Variants in MYO16 observed in about 807,000 individuals in gnomAD.
The protein encoded by MYO16 is unconventional myosin-XVI.
In MYO16, 94 loss-of-function variants were observed where a neutral mutation model predicts 205.3. The ratio of observed to expected loss-of-function variants is 0.46; its 90% CI spans 0.39 to 0.54. MYO16 has a LOEUF of 0.54. Ranked by LOEUF, MYO16 falls within the 20% of genes least tolerant of loss-of-function variation. MYO16 has a pLI of 0.00. For synonymous variants in MYO16, 988 were observed against 954.0 expected (o/e 1.04, Z -0.66); for missense variants, 2,315 against 2,387.5 (o/e 0.97, Z 0.63).
intron 1 of MYO16, among the ~76,000 whole-genome samples, chr13:108,610,260 T>G (rs1879122680): frequency 6.6e-6 from 1 of 152,116 alleles, no homozygotes; most frequent in Admixed American, 6.6e-5. Flanking sequence ...AGCACACACA[T>G]AGTCAGAATG....
chr13:109,022,971 C>G lies in MYO16; in HGVS notation c.2796+3060C>G, dbSNP rs549880037. Among the ~76,000 whole-genome samples, 5 of 131,290 alleles carry G rather than the reference C, an allele frequency of 3.8e-5. No homozygotes were observed. The South Asian group carries it at 1.2e-3, about 31-fold the overall frequency. The allele number at this position is 131,290 out of a possible 152,430, so 86.1% of individuals were successfully genotyped here. A position where few individuals can be genotyped will look rare whatever the true frequency, so the allele number is the denominator to read the frequency against. ...TATACATTTATATATTATATATACA[C>G]GTAAATATAGGTATATATTTATATA... On this transcript the variant is annotated intron_variant, in intron 23 of 34. Coordinates refer to ENST00000457511, the MANE Select transcript of MYO16 (RefSeq NM_001198950.3).
chr13:108,853,692 C>T (rs1341262859), intron 10 of MYO16, among the ~76,000 whole-genome samples: 2 of 151,214 alleles, frequency 1.3e-5, no homozygotes, highest in Non-Finnish European at 2.9e-5. Context: ...AAACCCAAAC[C>T]CCTAGGTTTA....
chr13:109,005,181 G>C (rs1481501220), intron 21 of MYO16, among the ~76,000 whole-genome samples: 1 of 152,146 alleles, frequency 6.6e-6, no homozygotes, highest in Admixed American at 6.6e-5. Context: ...ATCCTCTCAA[G>C]TTCTTTAGGT....
intron 4 of MYO16, among the ~76,000 whole-genome samples, chr13:108,737,122 C>A (rs8002403): frequency 0.73 from 111,327 of 151,874 alleles, 41,383 homozygotes; most frequent in Non-Finnish European, 0.8. Flanking sequence ...AATTGAATAC[C>A]CTTTATTTCT....
chr13:108,752,696 C>T (rs1885276109), intron 4 of MYO16, among the ~76,000 whole-genome samples: 1 of 146,510 alleles, frequency 6.8e-6, no homozygotes, highest in South Asian at 2.1e-4. Flanking sequence ...GGCTGGAGTG[C>T]AGTGGTATGA....
chr13:108,647,634 C>T (rs186958936), intron 1 of MYO16, among the ~76,000 whole-genome samples: 231 of 152,092 alleles, frequency 1.5e-3, no homozygotes, highest in African/African-American at 5.3e-3. Context: ...AAATTTTTAG[C>T]TGTGATTAAA....
intron 27 of MYO16, among the ~76,000 whole-genome samples, chr13:109,099,052 C>T (rs1888869178): frequency 6.6e-6 from 1 of 152,142 alleles, no homozygotes; most frequent in South Asian, 2.1e-4. Context: ...TCGATGACTG[C>T]TCTCAGTTGG....
chr13:109,115,893 A>G (rs1875652793), intron 28 of MYO16, among the ~76,000 whole-genome samples: 1 of 152,214 alleles, frequency 6.6e-6, no homozygotes, highest in African/African-American at 2.4e-5. Context: ...GAAGAACTGC[A>G]AAATATTACT....
At chr13:108,784,170 CT>C (rs1042744974) in intron 4 of MYO16, among the ~76,000 whole-genome samples, 2 of 152,094 alleles carry the variant, frequency 1.3e-5, no homozygotes, top group African/African-American at 4.8e-5. Flanking sequence ...ATTCTTGCAG[CT>C]TGGAGACTAA....
chr13:108,750,654 A>G (rs1365577650), intron 4 of MYO16, among the ~76,000 whole-genome samples: 1 of 151,874 alleles, frequency 6.6e-6, no homozygotes, highest in Non-Finnish European at 1.5e-5. Flanking sequence ...AGAAAAAAAG[A>G]AAATTAGCCA....
chr13:108,629,624 C>T lies in MYO16; in HGVS notation c.-221C>T, dbSNP rs190079501. 5.9e-6 allele frequency: 3 copies of T among 507,712 alleles called. No homozygotes were observed. The East Asian group carries it at 8.9e-5, about 15-fold the overall frequency. 31.5% of individuals were successfully genotyped at this position (507,712 alleles called of 1,614,324 possible). On this transcript the variant is annotated 5_prime_UTR_variant, in exon 1 of 35. Coordinates refer to ENST00000457511, the MANE Select transcript of MYO16 (RefSeq NM_001198950.3). The stretch of plus-strand genomic sequence containing the variant: ...AATAGCACGTGCACCAGTGGTGCCT[C>T]AAGACCCACCGGGGAGAGGCTTATC...
Position 108,603,824 on chromosome 13 carries a change from C to A in MYO16, c.-39+7585C>A, listed in dbSNP as rs1385586860. Among the ~76,000 whole-genome samples, 5 of 152,132 alleles carry A rather than the reference C, an allele frequency of 3.3e-5. No homozygotes were observed. In the East Asian group the frequency reaches 9.6e-4, roughly 29 times the overall value. On this transcript the variant is annotated intron_variant, in intron 1 of 24. Transcript: ENST00000251041. ...TTTAATAGATTACTCTTTTCCAAAT[C>A]TTTTTTTCTTAAACACTAATTATCC...
intron 1 of MYO16, among the ~76,000 whole-genome samples, chr13:108,661,733 C>T (rs181049710): frequency 1.2e-3 from 179 of 152,210 alleles, no homozygotes; most frequent in Admixed American, 2.3e-3. Flanking sequence ...TTCACTTTCT[C>T]TGGTCTCTCC....
intron 27 of MYO16, among the ~76,000 whole-genome samples, chr13:109,074,776 T>A (rs1349176024): frequency 1.3e-5 from 2 of 151,992 alleles, no homozygotes; most frequent in Admixed American, 1.3e-4. Flanking sequence ...CGCTATCAGA[T>A]CTCATGAGAA....
intron 22 of MYO16, among the ~76,000 whole-genome samples, chr13:109,010,002 C>T (rs1160593646): frequency 6.6e-6 from 1 of 152,212 alleles, no homozygotes; most frequent in Non-Finnish European, 1.5e-5. Flanking sequence ...GCCATGTTCT[C>T]TTCCACTGCT....
the MYO16 span, among the ~76,000 whole-genome samples, chr13:108,545,923 A>T: frequency 6.6e-6 from 1 of 152,186 alleles, no homozygotes; most frequent in African/African-American, 2.4e-5. Context: ...AGTTTCTGTG[A>T]GGACCACATT....
At chr13:109,065,809 A>G (rs1440887621) in intron 27 of MYO16, among the ~76,000 whole-genome samples, 1 of 152,220 alleles carries the variant, frequency 6.6e-6, no homozygotes, top group Non-Finnish European at 1.5e-5. Context: ...GCAAACTTGC[A>G]TAGGTCACAT....
chr13:108,724,859 T>A (rs1266114158), intron 3 of MYO16, among the ~76,000 whole-genome samples: 2 of 151,372 alleles, frequency 1.3e-5, no homozygotes, highest in African/African-American at 4.9e-5. Context: ...TCTTGTGATT[T>A]TTAAACAATT....
At chr13:108,983,034 TC>T (rs1234401295) in intron 20 of MYO16, among the ~76,000 whole-genome samples, 1 of 152,186 alleles carries the variant, frequency 6.6e-6, no homozygotes, top group African/African-American at 2.4e-5. Flanking sequence ...GATATCCGTC[TC>T]CCGACTGCCA....
Sources: allele counts gnomAD v4.1 joint callset (sites outside exome capture counted in the v4.1 genomes callset), GRCh38; gene constraint gnomAD v4.1.1; transcripts MANE v1.5; gene names NCBI Gene and HGNC (gene_info 2026-07-23, HGNC 2026-07-21).